RPA3: variants seen among roughly 807,000 people sequenced by gnomAD.
RPA3 encodes replication protein A3, also known as replication protein A 14 kDa subunit.
Under a neutral mutation model 13.7 loss-of-function variants are expected in RPA3, and 24 were observed. The observed-to-expected ratio is 1.75, with a 90% CI of 1.27 to 2.46. The LOEUF is 2.46. Ranked by LOEUF, RPA3 falls within the 30% of genes most tolerant of loss-of-function variation. RPA3 has a pLI of 0.00. For missense variants in RPA3, 183 were observed against 151.0 expected, an observed-to-expected ratio of 1.21 and a Z score of -1.11; for synonymous variants, 59 against 51.2, an observed-to-expected ratio of 1.15 and a Z score of -0.65.
chr7:7,639,888 A>G (rs942959958), intron 5 of RPA3: 5 of 203,518 alleles, frequency 2.5e-5, no homozygotes, highest in African/African-American at 1.2e-4. Context: ...AAAGCGGACA[A>G]CCAAGGCATG....
intron 4 of RPA3, among the ~76,000 whole-genome samples, chr7:7,679,689 TTATATATTTAATTTATAGATAAATATATA>T: frequency 7.8e-6 from 1 of 127,618 alleles, no homozygotes; most frequent in African/African-American, 3.1e-5. Flanking sequence ...AAATATATAT[TTATATATTTAATTTATAGATAAATATATA>T]TATATATATA....
At chr7:7,666,518 T>A (rs1244956032) in intron 4 of RPA3, among the ~76,000 whole-genome samples, 2 of 152,088 alleles carry the variant, frequency 1.3e-5, no homozygotes, top group African/African-American at 2.4e-5. Context: ...GGGGCAAATC[T>A]TTTTAATTTT....
In RPA3 at chr7:7,715,185, T is replaced by G. The variant is rs143053501; in HGVS notation, c.-1038A>C. ...AGAAAATAAACTTACCTGAAACTAT[T>G]GTATTCCCTGTGCATTGTCTTCACA... On this transcript the variant is annotated 5_prime_UTR_variant, in exon 2 of 8. Coordinates refer to ENST00000223129, the MANE Select transcript of RPA3 (RefSeq NM_002947.5). The G allele has an allele frequency of 1.3e-5, 2 of 152,324 alleles. No individual in the cohort carries two copies. The highest frequency in any genetic ancestry group is 4.1e-4 in the South Asian group (2 of 4,828). 9.4% of individuals were successfully genotyped at this position (152,324 alleles called of 1,614,324 possible). A position where few individuals can be genotyped will look rare whatever the true frequency, so the allele number is the denominator to read the frequency against.
At chr7:7,676,123 G>GT in intron 4 of RPA3, 1 of 398,610 alleles carries the variant, frequency 2.5e-6, no homozygotes, top group South Asian at 1.3e-4. Context: ...AGGCTCTCCA[G>GT]TGACGTGCTG....
At position 7,636,597 on chromosome 7, in the gene RPA3, C is replaced by G. The variant is rs974369697; in HGVS notation, c.*403G>C. On this transcript the variant is annotated 3_prime_UTR_variant, in exon 8 of 8. Transcript: ENST00000223129. ...ATAGTTTGGGAAAAGGTGAGCAAAT[C>G]CTTAACACAGCTGGCCCAAGGTTTT... 1.2e-5 allele frequency: 2 copies of G among 161,748 alleles called. No homozygotes were observed. The highest frequency in any genetic ancestry group is 4.8e-5 in the African/African-American group (2 of 41,536). 10.0% of individuals were successfully genotyped at this position (161,748 alleles called of 1,614,324 possible). A position where few individuals can be genotyped will look rare whatever the true frequency, so the allele number is the denominator to read the frequency against.
In RPA3 at chr7:7,647,940, A is replaced by C. The variant is rs561477795; in HGVS notation, c.-757-6765T>G. Among the ~76,000 whole-genome samples, 10 of 152,240 alleles carry C rather than the reference A, an allele frequency of 6.6e-5. No homozygotes were observed. The South Asian group carries it at 2.1e-3, about 32-fold the overall frequency. Reference sequence around the variant, plus strand: ...GTTTTTGTTGTTGTTGTTTGCTACTATTATAGACGTGCCAGCTGTGTTTTG... The same window carrying C: ...GTTTTTGTTGTTGTTGTTTGCTACTCTTATAGACGTGCCAGCTGTGTTTTG... On this transcript the variant is annotated intron_variant, in intron 4 of 7. Coordinates refer to ENST00000223129, the MANE Select transcript of RPA3 (RefSeq NM_002947.5).
rs762145651 is a variant in RPA3, at chr7:7,639,049, CTTA to C, written c.174+18_174+20del. On this transcript the variant is annotated intron_variant, in intron 6 of 7. Coordinates refer to ENST00000223129, the MANE Select transcript of RPA3 (RefSeq NM_002947.5). The stretch of plus-strand genomic sequence containing the variant: ...AGAATTAACTATAATATATAAGAGA[CTTA>C]TTAACACTTAAACATACGGGTTCCA... The C allele has an allele frequency of 1.9e-5, 30 of 1,570,910 alleles. No homozygotes were observed. In the South Asian group the frequency reaches 3.5e-4, roughly 18 times the overall value.
intron 4 of RPA3, among the ~76,000 whole-genome samples, chr7:7,650,229 T>A (rs1243766342): frequency 6.6e-6 from 1 of 152,252 alleles, no homozygotes; most frequent in Non-Finnish European, 1.5e-5. Flanking sequence ...TGCCTAGACA[T>A]TATTATTGCT....
chr7:7,645,386 A>G (rs1004432750), intron 4 of RPA3, among the ~76,000 whole-genome samples: 1 of 152,244 alleles, frequency 6.6e-6, no homozygotes, highest in African/African-American at 2.4e-5. Context: ...GTGGTAGTGC[A>G]CTAAGACTCA....
intron 4 of RPA3, among the ~76,000 whole-genome samples, chr7:7,659,042 A>G (rs1159641151): frequency 6.6e-6 from 1 of 152,142 alleles, no homozygotes; most frequent in Non-Finnish European, 1.5e-5. Context: ...GGGAAGGTGT[A>G]TGTGTCCAGG....
In RPA3 at chr7:7,703,713, G is replaced by T. The variant is rs141291521; in HGVS notation, c.-1028+11462C>A. ...TCAGCACTTTGGGAAGCCGAGACTGGCAGATCGCTTGAGCCCAGGAGTTTG... is the reference window on the plus strand; with the variant it reads ...TCAGCACTTTGGGAAGCCGAGACTGTCAGATCGCTTGAGCCCAGGAGTTTG... On this transcript the variant is annotated intron_variant, in intron 2 of 7. Transcript: ENST00000223129. 4.6e-5 allele frequency among the ~76,000 whole-genome samples: 7 copies of T among 152,254 alleles called. No individual in the cohort carries two copies. The East Asian group carries it at 1.4e-3, about 29-fold the overall frequency.
chr7:7,674,058 T>C (rs977366887), intron 4 of RPA3, among the ~76,000 whole-genome samples: 8 of 152,140 alleles, frequency 5.3e-5, no homozygotes, highest in Admixed American at 3.3e-4. Flanking sequence ...TGAGGAAAAG[T>C]TTTGCACAAC....
chr7:7,664,862 A>T (rs576238608), intron 4 of RPA3, among the ~76,000 whole-genome samples: 9 of 152,232 alleles, frequency 5.9e-5, no homozygotes, highest in African/African-American at 2.2e-4. Context: ...CTTGTTGTCT[A>T]AATTTTTATA....
intron 4 of RPA3, among the ~76,000 whole-genome samples, chr7:7,675,116 C>T (rs529296269): frequency 2.0e-4 from 31 of 152,242 alleles, no homozygotes; most frequent in Admixed American, 1.8e-3. Context: ...CTTCCTGCCT[C>T]GGCCCCCCAA....
At chr7:7,691,519 A>G (rs1350501595) in intron 2 of RPA3, among the ~76,000 whole-genome samples, 2 of 152,218 alleles carry the variant, frequency 1.3e-5, no homozygotes, top group South Asian at 2.1e-4. Context: ...GACATTCACT[A>G]TATGAAGAGA....
intron 2 of RPA3, among the ~76,000 whole-genome samples, 181 bp from the exon 3 acceptor site, chr7:7,687,509 A>G (rs1780067046): frequency 6.6e-6 from 1 of 152,214 alleles, no homozygotes; most frequent in African/African-American, 2.4e-5. Flanking sequence ...AGGGCCACAT[A>G]TAGGCCTTCC....
In RPA3 at chr7:7,653,889, C is replaced by T. The variant is rs145667821; in HGVS notation, c.-757-12714G>A. Among the ~76,000 whole-genome samples, 313 of 152,294 alleles carry T rather than the reference C, an allele frequency of 2.1e-3. 2 individuals are homozygous for T. The highest frequency in any genetic ancestry group is 6.8e-3 in the Middle Eastern group (2 of 294). ...GCCAGAGATGGTGCTAAACATGATA[C>T]AGTGCTAAGGACAGCCTCCCACAAC... On this transcript the variant is annotated intron_variant, in intron 4 of 7. Coordinates refer to ENST00000223129, the MANE Select transcript of RPA3 (RefSeq NM_002947.5).
rs972588802 is a variant in RPA3 at position 7,638,138 on chromosome 7, T to C, written c.175-166A>G. On this transcript the variant is annotated intron_variant, in intron 6 of 7. Transcript: ENST00000223129. ...TGTAACTTGTTAACAAATGTTTGAG[T>C]ACTTAACTGTCAGCATGTTAAAATT... The C allele has an allele frequency of 4.0e-5, 19 of 469,984 alleles. No individual in the cohort carries two copies. The South Asian group carries it at 5.9e-4, about 15-fold the overall frequency. The allele number at this position is 469,984 out of a possible 1,614,324, so 29.1% of individuals were successfully genotyped here.
chr7:7,693,415 C>T (rs1780228422), intron 2 of RPA3, among the ~76,000 whole-genome samples: 1 of 151,952 alleles, frequency 6.6e-6, no homozygotes, highest in Admixed American at 6.6e-5. Context: ...TCTGCAATAG[C>T]TTAGTAATGT....
Sources: allele counts gnomAD v4.1 joint callset (sites outside exome capture counted in the v4.1 genomes callset), GRCh38; gene constraint gnomAD v4.1.1; transcripts MANE v1.5; gene names NCBI Gene and HGNC (gene_info 2026-07-23, HGNC 2026-07-21).